Variants in CNTLN observed in about 807,000 individuals in gnomAD.
The protein encoded by CNTLN is centlein.
A neutral mutation model predicts 180.0 loss-of-function variants in CNTLN; 212 were observed. The observed-to-expected ratio is 1.18, with a 90% CI of 1.05 to 1.32. CNTLN has a LOEUF of 1.32. Ranked by LOEUF, CNTLN falls within the 40% of genes most tolerant of loss-of-function variation. The probability of loss-of-function intolerance (pLI) is 0.00; values close to 1 mark genes in which losing one functional copy is unlikely to be tolerated. For synonymous variants in CNTLN, 722 were observed against 563.1 expected, an observed-to-expected ratio of 1.28 and a Z score of -3.99; for missense variants, 2,095 against 1,610.9, an observed-to-expected ratio of 1.30 and a Z score of -5.14.
the CNTLN span, among the ~76,000 whole-genome samples, chr9:17,515,095 A>G: frequency 6.6e-6 from 1 of 152,196 alleles, no homozygotes; most frequent in Non-Finnish European, 1.5e-5. Context: ...TGACTTATAT[A>G]CAAATGGTCT....
chr9:17,213,658 T>C (rs1441114166), intron 2 of CNTLN, among the ~76,000 whole-genome samples: 1 of 152,180 alleles, frequency 6.6e-6, no homozygotes, highest in African/African-American at 2.4e-5. Flanking sequence ...CAGTGGGGTG[T>C]TATCGTCTCC....
intron 6 of CNTLN, among the ~76,000 whole-genome samples, chr9:17,279,457 T>C (rs1260277947): frequency 6.6e-6 from 1 of 152,174 alleles, no homozygotes; most frequent in African/African-American, 2.4e-5. Flanking sequence ...ATGAGAGGCT[T>C]TGCAAATGTT....
chr9:17,301,943 CTA>C (rs1563976035), intron 7 of CNTLN: 1 of 930,814 alleles, frequency 1.1e-6, no homozygotes, highest in Non-Finnish European at 1.3e-6. Context: ...TAACATATAA[CTA>C]TTTTAGATGG....
At chr9:17,313,684 G>C (rs1376908347) in intron 8 of CNTLN, among the ~76,000 whole-genome samples, 1 of 152,064 alleles carries the variant, frequency 6.6e-6, no homozygotes, top group African/African-American at 2.4e-5. Context: ...AAAAAATTTT[G>C]ATGTTATTTT....
intron 7 of CNTLN, among the ~76,000 whole-genome samples, chr9:17,303,672 A>G (rs1818520585): frequency 6.6e-6 from 1 of 152,086 alleles, no homozygotes; most frequent in Admixed American, 6.6e-5. Flanking sequence ...CATTTATGTC[A>G]GATTATTCAT....
chr9:17,397,758 C>T (rs577552005), intron 15 of CNTLN, among the ~76,000 whole-genome samples: 157 of 152,174 alleles, frequency 1.0e-3, no homozygotes, highest in African/African-American at 3.5e-3. Flanking sequence ...TGCACAAGGT[C>T]ACATACTTTG....
intron 2 of CNTLN, among the ~76,000 whole-genome samples, chr9:17,159,719 G>A (rs148208549): frequency 6.6e-6 from 1 of 152,140 alleles, no homozygotes; most frequent in Admixed American, 6.5e-5. Flanking sequence ...GCAGCTGTCT[G>A]GAATGGAGAC....
chr9:17,347,689 A>G (rs1428734824), intron 12 of CNTLN, among the ~76,000 whole-genome samples: 3 of 151,298 alleles, frequency 2.0e-5, no homozygotes, highest in East Asian at 1.9e-4. Context: ...AAAAAAAAAG[A>G]AAAAGGAAAA....
At chr9:17,271,407 TTTTC>T (rs1311031145) in intron 5 of CNTLN, among the ~76,000 whole-genome samples, 1 of 152,108 alleles carries the variant, frequency 6.6e-6, no homozygotes, top group Non-Finnish European at 1.5e-5. Flanking sequence ...TCCTCCTTCG[TTTTC>T]TTTCTTTCTT....
At chr9:17,152,437 C>A (rs991194907) in intron 2 of CNTLN, among the ~76,000 whole-genome samples, 1 of 152,094 alleles carries the variant, frequency 6.6e-6, no homozygotes, top group Non-Finnish European at 1.5e-5. Context: ...CATTCAGGAG[C>A]AGGTTGTTCG....
chr9:17,328,887 AAT>A (rs1483711073), intron 8 of CNTLN, among the ~76,000 whole-genome samples: 2 of 151,970 alleles, frequency 1.3e-5, no homozygotes, highest in African/African-American at 4.8e-5. Context: ...CAAAAATATT[AAT>A]ATCATTAATA....
chr9:17,435,623 C>T (rs185971743), intron 18 of CNTLN, among the ~76,000 whole-genome samples: 8 of 150,986 alleles, frequency 5.3e-5, no homozygotes, highest in South Asian at 2.1e-4. Context: ...TGCAGTGGCG[C>T]GATCTCGGCT....
chr9:17,155,004 G>T (rs1398201528), intron 2 of CNTLN, among the ~76,000 whole-genome samples: 2 of 152,170 alleles, frequency 1.3e-5, no homozygotes, highest in African/African-American at 4.8e-5. Flanking sequence ...CCTGAAGTCA[G>T]CAAGACCACG....
chr9:17,411,321 C>T (rs1164281285), intron 16 of CNTLN, among the ~76,000 whole-genome samples: 1 of 152,178 alleles, frequency 6.6e-6, no homozygotes, highest in East Asian at 1.9e-4. Flanking sequence ...AAAGCTTACA[C>T]AGTAAGTGTC....
intron 24 of CNTLN, 115 bp downstream of exon 24, chr9:17,484,595 G>A: frequency 8.7e-6 from 7 of 806,222 alleles, no homozygotes; most frequent in South Asian, 2.3e-5. Flanking sequence ...TGTTAATGAT[G>A]GTAAGATGGT....
At chr9:17,268,919 T>C (rs937738733) in intron 5 of CNTLN, among the ~76,000 whole-genome samples, 1 of 151,948 alleles carries the variant, frequency 6.6e-6, no homozygotes, top group Admixed American at 6.6e-5. Flanking sequence ...GTGACCCGAT[T>C]TTCCAGGTGC....
At chr9:17,350,613 C>T (rs564855761) in intron 12 of CNTLN, among the ~76,000 whole-genome samples, 126 of 152,234 alleles carry the variant, frequency 8.3e-4, no homozygotes, top group African/African-American at 3.0e-3. Context: ...AACAGACATG[C>T]ATTTCTGATA....
At chr9:17,349,745 G>A (rs1488969588) in intron 12 of CNTLN, among the ~76,000 whole-genome samples, 1 of 152,104 alleles carries the variant, frequency 6.6e-6, no homozygotes, top group African/African-American at 2.4e-5. Context: ...AAAAGGCCAA[G>A]AACTTAGTAA....
intron 25 of CNTLN, among the ~76,000 whole-genome samples, chr9:17,490,700 C>G (rs886286281): frequency 6.6e-6 from 1 of 151,856 alleles, no homozygotes; most frequent in Non-Finnish European, 1.5e-5. Flanking sequence ...GATTTATATA[C>G]TTTAAAATGG....
Sources: allele counts gnomAD v4.1 joint callset (sites outside exome capture counted in the v4.1 genomes callset), GRCh38; gene constraint gnomAD v4.1.1; transcripts MANE v1.5; gene names NCBI Gene and HGNC (gene_info 2026-07-23, HGNC 2026-07-21).